Variants in CUBN observed in about 807,000 individuals in gnomAD.
CUBN encodes 460 kDa receptor.
Under a neutral mutation model 405.3 loss-of-function variants are expected in CUBN, and 282 were observed. The ratio of observed to expected loss-of-function variants is 0.70; its 90% CI spans 0.63 to 0.77. CUBN has a LOEUF of 0.77. CUBN is among the 30% of genes least tolerant of loss of function. The probability of loss-of-function intolerance (pLI) is 0.00; values close to 1 mark genes in which losing one functional copy is unlikely to be tolerated. For synonymous variants in CUBN, 1,684 were observed against 1,617.0 expected (o/e 1.04, Z -0.99); for missense variants, 4,514 against 4,475.2 (o/e 1.01, Z -0.25).
chr10:16,947,489 A>C, intron 35 of CUBN, 122 bp from the exon 36 acceptor site: 57 of 1,032,268 alleles, frequency 5.5e-5, no homozygotes, highest in Non-Finnish European at 7.9e-5. Flanking sequence ...TTTCCATCTC[A>C]CATTTTAAAA....
rs747665736 is a variant in CUBN, at chr10:16,925,602, G to C, written c.6444C>G (p.Asn2148Lys). ...GACCTACCACCAAGTAATCCCCCTGGTTGCAAGAAGAATCTCCATTTGGAA... is the reference window on the plus strand; with the variant it reads ...GACCTACCACCAAGTAATCCCCCTGCTTGCAAGAAGAATCTCCATTTGGAA... The part of the protein sequence containing the change: ...FQIPNGDSSC[N>K]QGDYLVLRNG... The change falls in exon 42 of 67, where the codon AAC becomes AAG. Residue 2148 changes from asparagine to lysine, a missense_variant. Coordinates refer to ENST00000377833, the MANE Select transcript of CUBN (RefSeq NM_001081.4). 2.0e-5 allele frequency: 32 copies of C among 1,613,896 alleles called. No individual in the cohort carries two copies. In the East Asian group the frequency reaches 6.7e-4, roughly 34 times the overall value.
intron 56 of CUBN, among the ~76,000 whole-genome samples, chr10:16,886,571 A>G (rs1175500253): frequency 6.6e-6 from 1 of 152,174 alleles, no homozygotes; most frequent in Admixed American, 6.5e-5. Flanking sequence ...TTAAACACCA[A>G]GTGGTGTCTA....
chr10:17,068,947 C>A (rs991797309), intron 19 of CUBN, among the ~76,000 whole-genome samples, 177 bp from the exon 20 acceptor site: 2 of 152,268 alleles, frequency 1.3e-5, no homozygotes, highest in East Asian at 1.9e-4. Context: ...AGTCACTCCT[C>A]ATTCCCCTGA....
chr10:17,068,578 GA>G (rs746874227), intron 20 of CUBN, 26 bp downstream of exon 20: 2,923 of 1,245,708 alleles, frequency 2.3e-3, no homozygotes, highest in Admixed American at 4.4e-3. Flanking sequence ...CCAAGAGGAG[GA>G]AAAAAAAAAG....
chr10:16,829,158 G>T, intron 65 of CUBN, 118 bp from the exon 66 acceptor site: 3 of 765,508 alleles, frequency 3.9e-6, no homozygotes. Context: ...GAATAATGGA[G>T]GCAGAAATCC....
chr10:16,918,496 T>C, intron 45 of CUBN, 126 bp downstream of exon 45: 1 of 706,212 alleles, frequency 1.4e-6, no homozygotes, highest in Non-Finnish European at 2.4e-6. Flanking sequence ...AACTATTAGG[T>C]ACTAGGCATA....
intron 31 of CUBN, among the ~76,000 whole-genome samples, chr10:16,964,635 T>C (rs894422154): frequency 7.2e-5 from 11 of 152,184 alleles, no homozygotes; most frequent in Admixed American, 1.3e-4. Flanking sequence ...AAATCTATAT[T>C]AAAAGTTCTT....
At position 17,041,113 on chromosome 10, in the gene CUBN, T is replaced by C; in HGVS notation, c.3937A>G (p.Thr1313Ala). Reference protein sequence around the residue: ...NQHCNWTIRATTGNTVNYTFL... With the variant: ...NQHCNWTIRAATGNTVNYTFL... ...GTGTAGTTCACAGTGTTGCCTGTTG[T>C]TGCCCGGATGGTCCAGTTGCAATGC... Residue 1313 changes from threonine (T) to alanine (A), a missense_variant, in exon 27 of 67, where the codon ACA becomes GCA. Transcript: ENST00000377833. The C allele has an allele frequency of 6.2e-7, 1 of 1,613,666 alleles. No homozygotes were observed. Among genetic ancestry groups the C allele is most frequent in the Non-Finnish European group, 8.5e-7 (1 of 1,179,748 alleles).
Position 17,071,926 on chromosome 10 carries a change from T to C in CUBN, c.2347A>G (p.Thr783Ala), listed in dbSNP as rs1212257798. Residue 783 changes from threonine (T) to alanine (A), a missense_variant, in exon 18 of 67, where the codon ACC becomes GCC. Around this residue, in one of 5 missense-constraint regions of CUBN, gnomAD observed 1,448 missense variants for 1,388.0 expected, o/e 1.04. Transcript: ENST00000377833. ...TLLGKVCGNG[T>A]ISHIKSITNS... ...GTAATGGATTTAATGTGAGAGATGG[T>C]TCCGTTGCCACAGACTTTTCCAAGT... The C allele has an allele frequency of 6.2e-7, 1 of 1,613,116 alleles. No homozygotes were observed. Among genetic ancestry groups the C allele is most frequent in the African/African-American group, 1.3e-5 (1 of 74,908 alleles).
chr10:17,112,040 G>T (rs939315760), intron 8 of CUBN, among the ~76,000 whole-genome samples: 6 of 152,280 alleles, frequency 3.9e-5, no homozygotes, highest in East Asian at 3.9e-4. Context: ...GAAGAGGAAG[G>T]AGAACAAATG....
At chr10:17,117,901 T>C (rs531216245) in intron 6 of CUBN, among the ~76,000 whole-genome samples, 28 of 152,286 alleles carry the variant, frequency 1.8e-4, no homozygotes, top group Non-Finnish European at 2.9e-4. Flanking sequence ...TATGAAATAA[T>C]AGTGGTAATC....
chr10:16,949,480 G>T (rs1262608348), intron 34 of CUBN, among the ~76,000 whole-genome samples: 4 of 151,104 alleles, frequency 2.6e-5, no homozygotes, highest in African/African-American at 9.8e-5. Flanking sequence ...GTGTGTGTTT[G>T]TTTGTTTTGC....
At chr10:17,059,765 C>T (rs2131836067) in intron 22 of CUBN, among the ~76,000 whole-genome samples, 1 of 152,312 alleles carries the variant, frequency 6.6e-6, no homozygotes, top group Non-Finnish European at 1.5e-5. Flanking sequence ...CGGTCATGGT[C>T]ATTGCTTTTT....
At chr10:16,906,449 T>C (rs1288599707) in intron 49 of CUBN, 40 bp from the exon 50 acceptor site, 1 of 1,370,134 alleles carries the variant, frequency 7.3e-7, no homozygotes, top group Non-Finnish European at 1.0e-6. Context: ...AGTAGTAAGA[T>C]TCAGGCCACA....
At chr10:16,979,016 G>A (rs1833183132) in intron 31 of CUBN, among the ~76,000 whole-genome samples, 1 of 152,142 alleles carries the variant, frequency 6.6e-6, no homozygotes, top group African/African-American at 2.4e-5. Flanking sequence ...AAATCAATGT[G>A]CAAAAATCAC....
intron 59 of CUBN, among the ~76,000 whole-genome samples, chr10:16,852,954 G>C (rs1053887954): frequency 6.6e-6 from 1 of 151,962 alleles, no homozygotes; most frequent in Non-Finnish European, 1.5e-5. Context: ...CAAAACATGA[G>C]AAGCTAAAGG....
At chr10:17,083,655 T>C (rs919746384) in intron 17 of CUBN, among the ~76,000 whole-genome samples, 3 of 152,164 alleles carry the variant, frequency 2.0e-5, no homozygotes, top group African/African-American at 4.8e-5. Flanking sequence ...GGAGGTCACA[T>C]AGGTTTTTCC....
At chr10:17,126,233 G>T (rs1455572863) in intron 4 of CUBN, among the ~76,000 whole-genome samples, 1 of 152,168 alleles carries the variant, frequency 6.6e-6, no homozygotes, top group Non-Finnish European at 1.5e-5. Flanking sequence ...CTACAAAAGG[G>T]GTAAGAAGCC....
intron 59 of CUBN, among the ~76,000 whole-genome samples, chr10:16,866,500 G>A (rs987305289): frequency 3.3e-5 from 5 of 152,300 alleles, no homozygotes; most frequent in South Asian, 2.1e-4. Flanking sequence ...AAAAGCATCC[G>A]TTCTGCCTAT....
Sources: gnomAD v4.1 joint callset for allele counts (sites outside exome capture counted in the v4.1 genomes callset) on GRCh38, gnomAD v4.1.1 for gene constraint, gnomAD v4.1.1 regional missense constraint, MANE v1.5 for transcripts, NCBI Gene and HGNC (gene_info 2026-07-23, HGNC 2026-07-21) for gene names.